The following SLC25A19 variants were observed in gnomAD, a reference collection of about 807,000 sequenced individuals.
SLC25A19 encodes mitochondrial thiamine pyrophosphate carrier.
A neutral mutation model predicts 27.9 loss-of-function variants in SLC25A19; 18 were observed. That is an observed-to-expected ratio of 0.64 (90% CI 0.45 to 0.96). The LOEUF (loss-of-function observed/expected upper bound fraction) is 0.96, where lower values mean the gene tolerates loss of function less well. Among genes scored for constraint, SLC25A19 ranks in the 40% least tolerant of loss-of-function variants. The pLI is 0.00. For synonymous variants in SLC25A19, 169 were observed against 167.1 expected (o/e 1.01, Z -0.09); for missense variants, 371 against 418.3 (o/e 0.89, Z 0.99).
intron 7 of SLC25A19, 108 bp from the exon 8 acceptor site, chr17:75,273,747 T>A: frequency 9.2e-7 from 1 of 1,087,964 alleles, no homozygotes; most frequent in Non-Finnish European, 1.4e-6. Context: ...AAGAAATGAA[T>A]GCAAAATAGC....
At chr17:75,288,635 C>T (rs558869975) in intron 1 of SLC25A19, 44 bp from the exon 2 acceptor site, 69 of 136,258 alleles carry the variant, frequency 5.1e-4, no homozygotes, top group African/African-American at 1.9e-3. Flanking sequence ...TAATTCTATA[C>T]TGTTTGAATT....
At chr17:75,275,773 G>A (rs2077868927) in intron 7 of SLC25A19, among the ~76,000 whole-genome samples, 1 of 152,028 alleles carries the variant, frequency 6.6e-6, no homozygotes, top group Non-Finnish European at 1.5e-5. Flanking sequence ...TGGCCAATGT[G>A]GTGAAACCCT....
chr17:75,287,527 A>G (rs917228502), intron 2 of SLC25A19: 1 of 152,278 alleles, frequency 6.6e-6, no homozygotes, highest in African/African-American at 2.4e-5. Flanking sequence ...CCTGGAATAG[A>G]GCCCATCATG....
intron 7 of SLC25A19, among the ~76,000 whole-genome samples, chr17:75,274,605 T>A (rs2077816933): frequency 6.6e-6 from 1 of 152,152 alleles, no homozygotes; most frequent in South Asian, 2.1e-4. Flanking sequence ...GGCCTCCCTC[T>A]GCCATCCTGG....
chr17:75,283,670 C>T (rs2078111020), intron 4 of SLC25A19, 77 bp from the exon 5 acceptor site: 4 of 1,463,134 alleles, frequency 2.7e-6, no homozygotes, highest in Non-Finnish European at 2.8e-6. Context: ...AATACATCAC[C>T]CGTGACCCGG....
intron 5 of SLC25A19, among the ~76,000 whole-genome samples, chr17:75,281,018 C>T (rs2078027155): frequency 6.7e-6 from 1 of 150,088 alleles, no homozygotes; most frequent in Non-Finnish European, 1.5e-5. Flanking sequence ...GACCCTGCCC[C>T]TACAAAAAAT....
intron 7 of SLC25A19, among the ~76,000 whole-genome samples, chr17:75,274,680 G>A (rs1167729313): frequency 6.6e-6 from 1 of 152,114 alleles, no homozygotes. Flanking sequence ...AGTGGTGCAT[G>A]CCTGCAGTCC....
At chr17:75,282,412 T>C (rs894919884) in intron 5 of SLC25A19, among the ~76,000 whole-genome samples, 1 of 151,856 alleles carries the variant, frequency 6.6e-6, no homozygotes, top group Non-Finnish European at 1.5e-5. Flanking sequence ...TAGCTGGGCA[T>C]GATGGCAGGC....
chr17:75,280,345 T>G (rs535434031), intron 5 of SLC25A19, among the ~76,000 whole-genome samples: 2 of 151,438 alleles, frequency 1.3e-5, no homozygotes, highest in East Asian at 4.0e-4. Context: ...TACTTCAGCC[T>G]GGATGACAGA....
chr17:75,282,876 AT>A (rs2078075592), intron 5 of SLC25A19, among the ~76,000 whole-genome samples: 1 of 151,024 alleles, frequency 6.6e-6, no homozygotes, highest in Non-Finnish European at 1.5e-5. Flanking sequence ...ATAACTAAAA[AT>A]AAAAATAAAA....
Position 75,287,142 on chromosome 17 carries a change from C to T in SLC25A19, c.-38-340G>A, listed in dbSNP as rs1345232917. On this transcript the variant is annotated intron_variant, in intron 2 of 7. Transcript: ENST00000416858. ...TTGTTTACTTTTTTAGAGACAGGGTCTCACTCTGTTGCCCAGGCTGGAATG... is the reference window on the plus strand; with the variant it reads ...TTGTTTACTTTTTTAGAGACAGGGTTTCACTCTGTTGCCCAGGCTGGAATG... 1.8e-5 allele frequency: 5 copies of T among 285,122 alleles called. No homozygotes were observed. In the East Asian group the frequency reaches 4.4e-4, roughly 25 times the overall value. The allele number at this position is 285,122 out of a possible 1,614,324, so 17.7% of individuals were successfully genotyped here.
At chr17:75,274,298 T>G (rs1003105365) in intron 7 of SLC25A19, among the ~76,000 whole-genome samples, 1 of 152,100 alleles carries the variant, frequency 6.6e-6, no homozygotes, top group Admixed American at 6.5e-5. Context: ...TGGCCCTCAG[T>G]AGCTCTCAGC....
rs553172541 is a variant in SLC25A19 at position 75,278,444 on chromosome 17, A to T, written c.460-109T>A. On this transcript the variant is annotated intron_variant, in intron 5 of 7. Transcript: ENST00000416858. ...TAAAATACCAGCTACCAGGAGCGAAACTCCTCCTGCCAGGAAGACAGTCAA... is the reference window on the plus strand; with the variant it reads ...TAAAATACCAGCTACCAGGAGCGAATCTCCTCCTGCCAGGAAGACAGTCAA... 1.4e-4 allele frequency: 170 copies of T among 1,214,772 alleles called. 1 individual carries two copies. The Middle Eastern group carries it at 2.3e-3, about 16-fold the overall frequency. The allele number at this position is 1,214,772 out of a possible 1,614,324, so 75.2% of individuals were successfully genotyped here.
chr17:75,287,669 C>G (rs908620078), intron 2 of SLC25A19: 1 of 152,244 alleles, frequency 6.6e-6, no homozygotes, highest in Non-Finnish European at 1.5e-5. Flanking sequence ...TGAGCCCACT[C>G]AAGTGTAACG....
chr17:75,289,302 G>A (rs2078255775), intron 1 of SLC25A19, 52 bp downstream of exon 1: 1 of 152,302 alleles, frequency 6.6e-6, no homozygotes, highest in South Asian at 2.1e-4. Flanking sequence ...GAGGAGCGAG[G>A]GTGCTGGTCC....
In SLC25A19 at chr17:75,286,417, A is replaced by C; in HGVS notation, c.175T>G (p.Tyr59Asp). ...CTAGAGGCCTGGAGGATGCCATGGT[A>C]CTTTGCGCTGGGGTCACTGCGAGAC... Reference protein sequence around the residue: ...RLSRSDPSAKYHGILQASRQI... With the variant: ...RLSRSDPSAKDHGILQASRQI... Residue 59 changes from tyrosine to aspartate, a missense_variant, in exon 4 of 8, where the codon TAC (tyrosine) becomes GAC (aspartate). Physicochemically the swap from Tyr to Asp is radical, Grantham distance 160. Transcript: ENST00000416858. 1 of 1,614,158 alleles carries C rather than the reference A, an allele frequency of 6.2e-7. No individual in the cohort carries two copies. Among genetic ancestry groups the C allele is most frequent in the Non-Finnish European group, 8.5e-7 (1 of 1,180,024 alleles).
intron 7 of SLC25A19, among the ~76,000 whole-genome samples, chr17:75,276,731 G>T (rs1381800295): frequency 6.7e-6 from 1 of 148,270 alleles, no homozygotes; most frequent in Non-Finnish European, 1.5e-5. Flanking sequence ...CTGGAGTGCA[G>T]TGGCGCAATC....
intron 7 of SLC25A19, among the ~76,000 whole-genome samples, chr17:75,276,511 G>A (rs1171793328): frequency 6.6e-6 from 1 of 151,426 alleles, no homozygotes; most frequent in Admixed American, 6.6e-5. Flanking sequence ...GGGACTACAG[G>A]CGCCCACCAC....
chr17:75,278,988 C>CATAAATAAATAA lies in SLC25A19; in HGVS notation c.460-665_460-654dup, dbSNP rs77182978. Reference sequence around the variant, plus strand: ...ACAGGCGGAGACTCTGTCTCAAAAACATAAATAAATAAATAAATAAATAAA... The same window carrying CATAAATAAATAA: ...ACAGGCGGAGACTCTGTCTCAAAAACATAAATAAATAAATAAATAAATAAATAAATAAATAAA... On this transcript the variant is annotated intron_variant, in intron 5 of 7. Transcript: ENST00000416858. Among the ~76,000 whole-genome samples the CATAAATAAATAA allele has an allele frequency of 2.9e-3, 429 of 146,814 alleles. 3 individuals are homozygous for CATAAATAAATAA. The highest frequency in any genetic ancestry group is 9.5e-3 in the African/African-American group (375 of 39,578).
Sources: allele counts gnomAD v4.1 joint callset (sites outside exome capture counted in the v4.1 genomes callset), GRCh38; gene constraint gnomAD v4.1.1; transcripts MANE v1.5; gene names NCBI Gene and HGNC (gene_info 2026-07-23, HGNC 2026-07-21).